The following PAQR3 variants were observed in gnomAD, a reference collection of about 807,000 sequenced individuals.
PAQR3 encodes the protein progestin and adipoQ receptor family member 3.
Under a neutral mutation model 41.7 loss-of-function variants are expected in PAQR3, and 39 were observed. That is an observed-to-expected ratio of 0.93 (90% CI 0.72 to 1.22). PAQR3 has a LOEUF of 1.22. Among genes scored for constraint, PAQR3 ranks in the 50% most tolerant of loss-of-function variants. The probability of loss-of-function intolerance (pLI) is 0.00; values close to 1 mark genes in which losing one functional copy is unlikely to be tolerated. For missense variants in PAQR3, 366 were observed against 385.6 expected, an observed-to-expected ratio of 0.95 and a Z score of 0.42; for synonymous variants, 140 against 140.6, an observed-to-expected ratio of 1.00 and a Z score of 0.03.
downstream of PAQR3, among the ~76,000 whole-genome samples, chr4:78,909,313 G>GC (rs1734453902): frequency 2.6e-5 from 4 of 152,136 alleles, 1 homozygote; most frequent in Admixed American, 2.6e-4. Flanking sequence ...TGGGATTACA[G>GC]GGGTGAGCCA....
rs1441377303 is a variant in PAQR3 at position 78,912,901 on chromosome 4, A to G, written c.*7638T>C. The G allele has an allele frequency of 6.6e-6, 1 of 152,218 alleles. No individual in the cohort carries two copies. The highest frequency in any genetic ancestry group is 1.5e-5 in the Non-Finnish European group (1 of 68,030). The allele number at this position is 152,218 out of a possible 1,614,324, so 9.4% of individuals were successfully genotyped here. ...ACATTCACTACTTTAGAAACACTTT[A>G]TGCATGGCTTCTTGCCCCAAACTTT... On this transcript the variant is annotated 3_prime_UTR_variant, in exon 6 of 6. Transcript: ENST00000512733.
At chr4:78,932,340 T>C (rs1417696818) in intron 2 of PAQR3, among the ~76,000 whole-genome samples, 1 of 152,292 alleles carries the variant, frequency 6.6e-6, no homozygotes, top group African/African-American at 2.4e-5. Flanking sequence ...ATCCTTGAGA[T>C]TAAGCACCAT....
At position 78,923,923 on chromosome 4, in the gene PAQR3, T is replaced by C. The variant is rs1218640082; in HGVS notation, c.727A>G (p.Met243Val). ...AAAGCAAGAAGAGCAATCATATACA[T>C]CACAATTACACGGGGTGCAAAGTCC... ...VQDFAPRVIVMYMIALLAFLF... is the reference protein window; with the variant it reads ...VQDFAPRVIVVYMIALLAFLF... The change falls in exon 5 of 6, where the codon ATG (methionine) becomes GTG (valine). Residue 243 changes from methionine (M) to valine (V), a missense_variant. Met to Val is a conservative substitution (Grantham distance 21). Coordinates refer to ENST00000512733, the MANE Select transcript of PAQR3 (RefSeq NM_001040202.2). 6.2e-7 allele frequency: 1 copy of C among 1,613,154 alleles called. No homozygotes were observed. Among genetic ancestry groups the C allele is most frequent in the Non-Finnish European group, 8.5e-7 (1 of 1,179,400 alleles).
intron 2 of PAQR3, among the ~76,000 whole-genome samples, chr4:78,933,723 GTTTC>G (rs1164397496): frequency 1.3e-5 from 2 of 152,110 alleles, no homozygotes; most frequent in African/African-American, 4.8e-5. Flanking sequence ...TTTTGGGTCT[GTTTC>G]TTTATTGGAA....
chr4:78,887,452 T>G, intron 12 of PAQR3: 2 of 598,194 alleles, frequency 3.3e-6, no homozygotes, highest in East Asian at 5.8e-5. Context: ...TTGCATTGAG[T>G]TATTATTCAG....
Position 78,919,463 on chromosome 4 carries a change from T to C in PAQR3, c.*1076A>G. The C allele has an allele frequency of 1.0e-6, 1 of 984,948 alleles. No homozygotes were observed. The highest frequency in any genetic ancestry group is 1.2e-6 in the Non-Finnish European group (1 of 829,618). The allele number at this position is 984,948 out of a possible 1,614,324, so 61.0% of individuals were successfully genotyped here. On this transcript the variant is annotated 3_prime_UTR_variant, in exon 6 of 6. Transcript: ENST00000512733. Reference sequence around the variant, plus strand: ...AGTTTAATGCTTCAGGCCCAAATATTAAGTGTTTATCAAGATTCTGAGTTA... The same window carrying C: ...AGTTTAATGCTTCAGGCCCAAATATCAAGTGTTTATCAAGATTCTGAGTTA...
At chr4:78,893,363 C>T (rs1011004144) in intron 11 of PAQR3, among the ~76,000 whole-genome samples, 3 of 152,290 alleles carry the variant, frequency 2.0e-5, no homozygotes, top group Non-Finnish European at 2.9e-5. Context: ...AAATCTTAAA[C>T]CCTTCAAAAT....
intron 11 of PAQR3, among the ~76,000 whole-genome samples, chr4:78,896,498 T>C (rs1218765440): frequency 6.6e-6 from 1 of 152,164 alleles, no homozygotes; most frequent in Non-Finnish European, 1.5e-5. Flanking sequence ...GTCCATAACA[T>C]GTGACTCAGG....
intron 2 of PAQR3, among the ~76,000 whole-genome samples, chr4:78,931,185 T>TTAAAAAA (rs35748488): frequency 8.7e-6 from 1 of 115,062 alleles, no homozygotes; most frequent in African/African-American, 3.6e-5. Context: ...CCTCATTTCT[T>TTAAAAAA]AAAAAAAAAA....
At chr4:78,921,803 T>C (rs1381356375) in intron 5 of PAQR3, 2 of 984,948 alleles carry the variant, frequency 2.0e-6, no homozygotes, top group Admixed American at 6.2e-5. Flanking sequence ...TATATGAACA[T>C]TTGAGACTAT....
Position 78,920,072 on chromosome 4 carries a change from G to C in PAQR3, c.*467C>G. 1.0e-6 allele frequency: 1 copy of C among 984,806 alleles called. No individual in the cohort carries two copies. The highest frequency in any genetic ancestry group is 1.2e-6 in the Non-Finnish European group (1 of 829,124). The allele number at this position is 984,806 out of a possible 1,614,324, so 61.0% of individuals were successfully genotyped here. A position where few individuals can be genotyped will look rare whatever the true frequency, so the allele number is the denominator to read the frequency against. The stretch of plus-strand genomic sequence containing the variant: ...TGATTATTTAAATCTAGTGATTTTA[G>C]TGATTATTTAAAATCACTATCCTAG... On this transcript the variant is annotated 3_prime_UTR_variant, in exon 6 of 6. Coordinates refer to ENST00000512733, the MANE Select transcript of PAQR3 (RefSeq NM_001040202.2).
chr4:78,928,761 T>G (rs1225938513), intron 3 of PAQR3, among the ~76,000 whole-genome samples: 2 of 152,246 alleles, frequency 1.3e-5, no homozygotes, highest in African/African-American at 4.8e-5. Flanking sequence ...TCAAGTGCAT[T>G]ACATTTATTG....
At chr4:78,911,567 C>G (rs766235143), downstream of PAQR3, 1 of 1,613,924 alleles carries the variant, frequency 6.2e-7, no homozygotes, top group Admixed American at 1.7e-5. Context: ...ACAAAGAAGA[C>G]TTTGAAGCCT....
At chr4:78,887,165 T>G in exon 13 of PAQR3, 1 of 1,551,234 alleles carries the variant, frequency 6.4e-7, no homozygotes, top group Non-Finnish European at 8.8e-7. Flanking sequence ...TTTCATCTTA[T>G]TTTTGCAGAT....
chr4:78,919,571 C>A lies in PAQR3; in HGVS notation c.*968G>T, dbSNP rs1735452981. 1.0e-6 allele frequency: 1 copy of A among 985,154 alleles called. No individual in the cohort carries two copies. The highest frequency in any genetic ancestry group is 1.2e-6 in the Non-Finnish European group (1 of 829,806). The allele number at this position is 985,154 out of a possible 1,614,324, so 61.0% of individuals were successfully genotyped here. A position where few individuals can be genotyped will look rare whatever the true frequency, so the allele number is the denominator to read the frequency against. On this transcript the variant is annotated 3_prime_UTR_variant, in exon 6 of 6. Coordinates refer to ENST00000512733, the MANE Select transcript of PAQR3 (RefSeq NM_001040202.2). Reference sequence around the variant, plus strand: ...ATTATCAAATGGGGCATCTGCATGACTTTGTTCTAAGGCTTAAGGTTCATT... The same window carrying A: ...ATTATCAAATGGGGCATCTGCATGAATTTGTTCTAAGGCTTAAGGTTCATT...
At chr4:78,923,374 C>T (rs1373832063) in intron 5 of PAQR3, 2 of 197,738 alleles carry the variant, frequency 1.0e-5, no homozygotes, top group South Asian at 9.5e-5. Flanking sequence ...GGTACATGTA[C>T]ACAACGTGCA....
At chr4:78,937,246 T>C (rs529435520) in intron 1 of PAQR3, among the ~76,000 whole-genome samples, 9 of 151,870 alleles carry the variant, frequency 5.9e-5, no homozygotes, top group Non-Finnish European at 1.3e-4. Context: ...CAGATGGAGG[T>C]TGTTAGGGGG....
At chr4:78,890,079 A>G (rs1033108264) in intron 11 of PAQR3, among the ~76,000 whole-genome samples, 1 of 151,996 alleles carries the variant, frequency 6.6e-6, no homozygotes, top group Admixed American at 6.6e-5. Context: ...TTTTTTCTGC[A>G]GTTTTTCATA....
chr4:78,915,496 A>G lies in PAQR3; in HGVS notation c.*5043T>C, dbSNP rs1005688219. ...TTTTTTTCTTTTTAGCAAACTTGTT[A>G]TTTTAGGTCCAATTATTGAGTTGAC... On this transcript the variant is annotated 3_prime_UTR_variant, in exon 6 of 6. Transcript: ENST00000512733. 3 of 151,574 alleles carry G rather than the reference A, an allele frequency of 2.0e-5. No homozygotes were observed. Among genetic ancestry groups the G allele is most frequent in the African/African-American group, 7.3e-5 (3 of 41,274 alleles). 9.4% of individuals were successfully genotyped at this position (151,574 alleles called of 1,614,324 possible).
Sources: gnomAD v4.1 joint callset for allele counts (sites outside exome capture counted in the v4.1 genomes callset) on GRCh38, gnomAD v4.1.1 for gene constraint, MANE v1.5 for transcripts, NCBI Gene and HGNC (gene_info 2026-07-23, HGNC 2026-07-21) for gene names.